TM9SF3: variants seen among roughly 807,000 people sequenced by gnomAD.
The protein encoded by TM9SF3 is transmembrane 9 superfamily member 3.
Under a neutral mutation model 78.6 loss-of-function variants are expected in TM9SF3, and 14 were observed. The ratio of observed to expected loss-of-function variants is 0.18; its 90% CI spans 0.12 to 0.28. The LOEUF is 0.28. Among genes scored for constraint, TM9SF3 ranks in the 10% least tolerant of loss-of-function variants. The pLI is 1.00. For synonymous variants in TM9SF3, 231 were observed against 241.7 expected, an observed-to-expected ratio of 0.96 and a Z score of 0.41; for missense variants, 496 against 721.9, an observed-to-expected ratio of 0.69 and a Z score of 3.59.
chr10:96,547,596 G>A (rs1035460125), intron 8 of TM9SF3, among the ~76,000 whole-genome samples: 4 of 74,524 alleles, frequency 5.4e-5, no homozygotes, highest in South Asian at 6.1e-4. Flanking sequence ...TTGGGAGGCC[G>A]AATCACTTGA....
chr10:96,522,399 AAAT>A (rs1270154955), intron 14 of TM9SF3, 69 bp from the exon 15 acceptor site: 1 of 1,214,804 alleles, frequency 8.2e-7, no homozygotes, highest in East Asian at 2.7e-5. Context: ...TAAAAACACT[AAAT>A]ACTCTATGCT....
chr10:96,533,302 T>A, intron 9 of TM9SF3, 112 bp from the exon 10 acceptor site: 1 of 1,303,950 alleles, frequency 7.7e-7, no homozygotes. Context: ...ATGTTTAAGT[T>A]CAATATGAGC....
intron 9 of TM9SF3, among the ~76,000 whole-genome samples, chr10:96,534,835 G>A (rs1847937198): frequency 6.6e-6 from 1 of 152,144 alleles, no homozygotes; most frequent in East Asian, 1.9e-4. Flanking sequence ...ATCACAGCCA[G>A]GTTAACTCAT....
At chr10:96,584,643 C>T (rs768792294) in intron 1 of TM9SF3, among the ~76,000 whole-genome samples, 1 of 152,124 alleles carries the variant, frequency 6.6e-6, no homozygotes, top group Non-Finnish European at 1.5e-5. Flanking sequence ...GGCGAAATCC[C>T]CTTTCTACTA....
At chr10:96,573,029 T>C (rs1436700864) in intron 2 of TM9SF3, among the ~76,000 whole-genome samples, 1 of 152,202 alleles carries the variant, frequency 6.6e-6, no homozygotes, top group African/African-American at 2.4e-5. Flanking sequence ...TAAAAAAAGA[T>C]GTGTGTGTAT....
intron 3 of TM9SF3, 78 bp from the exon 4 acceptor site, chr10:96,562,216 G>GTCT: frequency 1.8e-6 from 1 of 560,868 alleles, no homozygotes; most frequent in South Asian, 2.3e-5. Context: ...TGCTCATTAA[G>GTCT]TTTTTTTTTT....
At chr10:96,581,831 C>T (rs571333266) in intron 1 of TM9SF3, among the ~76,000 whole-genome samples, 14 of 152,282 alleles carry the variant, frequency 9.2e-5, no homozygotes, top group South Asian at 8.3e-4. Context: ...GCTGAGTAAA[C>T]GATTCTAGTA....
chr10:96,562,215 A>AG, intron 3 of TM9SF3, 77 bp from the exon 4 acceptor site: 1 of 953,032 alleles, frequency 1.0e-6, no homozygotes, highest in South Asian at 1.7e-5. Context: ...ATGCTCATTA[A>AG]GTTTTTTTTT....
At chr10:96,572,965 T>C (rs1431892926) in intron 2 of TM9SF3, among the ~76,000 whole-genome samples, 2 of 152,196 alleles carry the variant, frequency 1.3e-5, no homozygotes, top group African/African-American at 4.8e-5. Context: ...TCTTTAGTAA[T>C]CATCATTTTA....
At chr10:96,532,517 TTACTA>T (rs1248347945) in intron 10 of TM9SF3, among the ~76,000 whole-genome samples, 7 of 152,180 alleles carry the variant, frequency 4.6e-5, no homozygotes, top group African/African-American at 1.4e-4. Flanking sequence ...TGCAGTCTAC[TTACTA>T]TACAACTATT....
intron 5 of TM9SF3, among the ~76,000 whole-genome samples, chr10:96,556,475 T>G (rs1848235178): frequency 6.6e-6 from 1 of 152,182 alleles, no homozygotes; most frequent in African/African-American, 2.4e-5. Context: ...CTTTAGCTCC[T>G]TTGCCTGTGC....
rs773496562 is a variant in TM9SF3 at position 96,544,180 on chromosome 10, T to C, written c.1081A>G (p.Ile361Val). The change falls in exon 9 of 15, where the codon ATT (isoleucine) becomes GTT (valine). Residue 361 changes from isoleucine to valine, a missense_variant. Physicochemically the swap from Ile to Val is conservative, Grantham distance 29. This residue lies in a region of TM9SF3 where 280 missense variants were observed against 422.6 expected (regional missense o/e 0.66). Coordinates refer to ENST00000371142, the MANE Select transcript of TM9SF3 (RefSeq NM_020123.4). The part of the protein sequence containing the change: ...GGRRWIKQMF[I>V]GAFLIPAMVC... ...ATAGCTGGGATAAGGAATGCCCCAATAAACATCTGCTTTATCCATCTCCTT... is the reference window on the plus strand; with the variant it reads ...ATAGCTGGGATAAGGAATGCCCCAACAAACATCTGCTTTATCCATCTCCTT... 1.9e-6 allele frequency: 3 copies of C among 1,609,098 alleles called. No homozygotes were observed. Among genetic ancestry groups the C allele is most frequent in the Non-Finnish European group, 2.5e-6 (3 of 1,177,680 alleles).
At position 96,586,857 on chromosome 10, in the gene TM9SF3, G is replaced by A. The variant is rs1392205245; in HGVS notation, c.-22C>T. ...TCATCCTCCGCGCCCCTCCGGCCCG[G>A]AGCCGGCTCACCGACTCCTCCTCCC... On this transcript the variant is annotated 5_prime_UTR_variant, in exon 1 of 15. Coordinates refer to ENST00000371142, the MANE Select transcript of TM9SF3 (RefSeq NM_020123.4). 2.6e-5 allele frequency: 31 copies of A among 1,200,626 alleles called. No homozygotes were observed. The highest frequency in any genetic ancestry group is 3.2e-5 in the Non-Finnish European group (31 of 970,148). The allele number at this position is 1,200,626 out of a possible 1,614,324, so 74.4% of individuals were successfully genotyped here.
chr10:96,569,535 CAG>C (rs1450293331), intron 2 of TM9SF3, among the ~76,000 whole-genome samples: 1 of 152,146 alleles, frequency 6.6e-6, no homozygotes, highest in East Asian at 1.9e-4. Context: ...GCAGTATAAA[CAG>C]TGTAATTTTT....
intron 8 of TM9SF3, 55 bp downstream of exon 8, chr10:96,547,840 T>C (rs761048763): frequency 3.5e-6 from 5 of 1,441,394 alleles, no homozygotes; most frequent in Admixed American, 1.8e-5. Flanking sequence ...AAAAATCTCA[T>C]AGTAAAATAT....
intron 14 of TM9SF3, 102 bp from the exon 15 acceptor site, chr10:96,522,432 T>A: frequency 1.1e-6 from 1 of 906,496 alleles, no homozygotes; most frequent in Non-Finnish European, 1.6e-6. Flanking sequence ...TATTCTTTTT[T>A]AAAGAAAATA....
In TM9SF3 at chr10:96,587,002, C is replaced by G; in HGVS notation, c.-167G>C. The G allele has an allele frequency of 5.3e-6, 2 of 376,768 alleles. No individual in the cohort carries two copies. The highest frequency in any genetic ancestry group is 8.2e-6 in the Non-Finnish European group (2 of 245,334). The allele number at this position is 376,768 out of a possible 1,614,324, so 23.3% of individuals were successfully genotyped here. A position where few individuals can be genotyped will look rare whatever the true frequency, so the allele number is the denominator to read the frequency against. ...CCTCTGCCGCCGCCGTCGCCGTCAC[C>G]GCCCGCTCCTGAGCCTCCCCCGCCC... On this transcript the variant is annotated 5_prime_UTR_variant, in exon 1 of 15. Coordinates refer to ENST00000371142, the MANE Select transcript of TM9SF3 (RefSeq NM_020123.4).
chr10:96,578,029 G>C (rs1241725151), intron 1 of TM9SF3, among the ~76,000 whole-genome samples: 1 of 152,098 alleles, frequency 6.6e-6, no homozygotes, highest in Non-Finnish European at 1.5e-5. Flanking sequence ...CATTCTCTCA[G>C]CCATGGAGAC....
chr10:96,528,448 T>C (rs562028578), intron 11 of TM9SF3, among the ~76,000 whole-genome samples: 3 of 152,198 alleles, frequency 2.0e-5, no homozygotes, highest in South Asian at 2.1e-4. Flanking sequence ...CTTCAAGAAG[T>C]ATAATGTAGA....
Sources: allele counts gnomAD v4.1 joint callset (sites outside exome capture counted in the v4.1 genomes callset), GRCh38; gene constraint gnomAD v4.1.1; regional missense constraint gnomAD v4.1.1; transcripts MANE v1.5; gene names NCBI Gene and HGNC (gene_info 2026-07-23, HGNC 2026-07-21).